STAT5A: variants seen among roughly 807,000 people sequenced by gnomAD.
STAT5A encodes epididymis secretory sperm binding protein.
Under a neutral mutation model 100.2 loss-of-function variants are expected in STAT5A, and 26 were observed. The ratio of observed to expected loss-of-function variants is 0.26; its 90% CI spans 0.19 to 0.36. STAT5A has a LOEUF of 0.36. STAT5A is among the 10% of genes least tolerant of loss of function. The pLI is 1.00. For missense variants in STAT5A, 634 were observed against 1,027.5 expected, an observed-to-expected ratio of 0.62 and a Z score of 5.24; for synonymous variants, 330 against 424.3, an observed-to-expected ratio of 0.78 and a Z score of 2.73.
intron 15 of STAT5A, among the ~76,000 whole-genome samples, chr17:42,307,958 A>T (rs1201552260): frequency 6.6e-6 from 1 of 152,056 alleles, no homozygotes; most frequent in Non-Finnish European, 1.5e-5. Flanking sequence ...CTGCAGTTTC[A>T]CGCTCTCCCC....
Position 42,304,408 on chromosome 17 carries a change from C to G in STAT5A, c.1236C>G (p.Leu412=). The change falls in exon 10 of 19, where the codon CTC becomes CTG. Residue 412 remains leucine (L), a synonymous_variant. Transcript: ENST00000590949. The surrounding 1 kb of genome is among the most constrained non-coding windows in gnomAD (Gnocchi z 4.8). ...VMEYHQATGT[L]SAHFRNMSLK... is the part of the protein sequence containing the mutation. ...AGTACCACCAAGCCACGGGCACCCT[C>G]AGTGCCCACTTCAGGAACATGGTGA... 1 of 1,614,256 alleles carries G rather than the reference C, an allele frequency of 6.2e-7. No individual in the cohort carries two copies. Among genetic ancestry groups the G allele is most frequent in the Non-Finnish European group, 8.5e-7 (1 of 1,180,042 alleles).
chr17:42,305,455 T>C (rs577973125), intron 11 of STAT5A, among the ~76,000 whole-genome samples, 155 bp from the exon 12 acceptor site: 1 of 151,934 alleles, frequency 6.6e-6, no homozygotes, highest in Admixed American at 6.5e-5. Context: ...TGAGCCGAGA[T>C]TGCACCATTG....
intron 1 of STAT5A, 25 bp from the exon 2 acceptor site, chr17:42,289,377 C>G (rs763624557): frequency 6.3e-7 from 1 of 1,582,820 alleles, no homozygotes; most frequent in African/African-American, 1.3e-5. Context: ...CAGAGGAGAG[C>G]GCTTCAGCGC....
chr17:42,297,160 C>T (rs977677008), intron 5 of STAT5A, among the ~76,000 whole-genome samples: 15 of 151,912 alleles, frequency 9.9e-5, no homozygotes, highest in Non-Finnish European at 1.8e-4. Flanking sequence ...CTGGTTGCAA[C>T]CTCTAGCCTC....
rs1286256622 is a variant in STAT5A at position 42,308,858 on chromosome 17, G to C, written c.2063-189G>C. On this transcript the variant is annotated intron_variant, in intron 16 of 18. Transcript: ENST00000590949. This position sits in a 1 kb window ranked among gnomAD's most constrained non-coding sequence, Gnocchi z 4.6. Reference sequence around the variant, plus strand: ...AAGAACCAGAAGGAATGGGATTCAAGCCAGGGGTCTCAGTGACCCTCAGGC... The same window carrying C: ...AAGAACCAGAAGGAATGGGATTCAACCCAGGGGTCTCAGTGACCCTCAGGC... The C allele has an allele frequency of 1.5e-6, 1 of 680,372 alleles. No individual in the cohort carries two copies. Among genetic ancestry groups the C allele is most frequent in the Non-Finnish European group, 2.5e-6 (1 of 393,104 alleles). The allele number at this position is 680,372 out of a possible 1,614,324, so 42.1% of individuals were successfully genotyped here.
At position 42,311,818 on chromosome 17, in the gene STAT5A, T is replaced by A. The variant is rs1042168491; in HGVS notation, c.*1149T>A. The A allele has an allele frequency of 2.0e-5, 3 of 152,734 alleles. No individual in the cohort carries two copies. Among genetic ancestry groups the A allele is most frequent in the Non-Finnish European group, 4.4e-5 (3 of 68,058 alleles). 9.5% of individuals were successfully genotyped at this position (152,734 alleles called of 1,614,324 possible). On this transcript the variant is annotated 3_prime_UTR_variant, in exon 19 of 19. Transcript: ENST00000590949. ...TCAGGGGCAGCTGACCATGGAAGAT[T>A]GAGAGCCCAAGGTTTAAACTTCTCT... is the stretch of plus-strand genomic sequence containing the variant.
intron 3 of STAT5A, among the ~76,000 whole-genome samples, chr17:42,291,532 C>T (rs932610101): frequency 6.6e-6 from 1 of 151,968 alleles, no homozygotes; most frequent in Non-Finnish European, 1.5e-5. Flanking sequence ...GCCTGACCAA[C>T]GTGGAGAAAC....
intron 11 of STAT5A, among the ~76,000 whole-genome samples, chr17:42,305,330 C>T (rs536433107): frequency 6.6e-6 from 1 of 152,006 alleles, no homozygotes; most frequent in South Asian, 2.1e-4. Flanking sequence ...TGGAGAAACC[C>T]CGTCTCTACT....
chr17:42,307,552 G>T, intron 14 of STAT5A, 41 bp from the exon 15 acceptor site: 1 of 1,614,106 alleles, frequency 6.2e-7, no homozygotes, highest in South Asian at 1.1e-5. Context: ...AGAGACTGTG[G>T]CTGTGGCCCA....
upstream of STAT5A, chr17:42,287,895 G>A (rs1253785598): frequency 6.6e-6 from 1 of 152,268 alleles, no homozygotes; most frequent in Non-Finnish European, 1.5e-5. Flanking sequence ...AAGGAGGGAG[G>A]TGCTGCGGTG....
At chr17:42,291,652 G>A (rs1471709795) in intron 3 of STAT5A, among the ~76,000 whole-genome samples, 2 of 151,892 alleles carry the variant, frequency 1.3e-5, no homozygotes, top group African/African-American at 2.4e-5. Context: ...GGAGGTGGAG[G>A]TTGCAGTGAG....
chr17:42,298,189 A>G (rs562303884), intron 5 of STAT5A, among the ~76,000 whole-genome samples: 47 of 149,850 alleles, frequency 3.1e-4, no homozygotes, highest in African/African-American at 1.1e-3. Context: ...TTTGAGATGG[A>G]GTCTTGCTCT....
At chr17:42,309,169 G>C in intron 17 of STAT5A, 71 bp downstream of exon 17, 1 of 1,611,600 alleles carries the variant, frequency 6.2e-7, no homozygotes, top group South Asian at 1.1e-5. Flanking sequence ...CTCCCATCCT[G>C]ATCCTGGGCC....
intron 18 of STAT5A, 154 bp downstream of exon 18, chr17:42,309,638 G>A: frequency 2.8e-6 from 2 of 708,258 alleles, no homozygotes; most frequent in South Asian, 2.0e-5. Context: ...GCATTTTGAA[G>A]CTAGACATAG....
In STAT5A at chr17:42,304,091, C is replaced by A. The variant is rs1289032184; in HGVS notation, c.1170-251C>A. Reference sequence around the variant, plus strand: ...TTGGAAGTCCCCAAAGCCCTCACATCAATCTTGGTATCGAGGAATTTCTAA... The same window carrying A: ...TTGGAAGTCCCCAAAGCCCTCACATAAATCTTGGTATCGAGGAATTTCTAA... On this transcript the variant is annotated intron_variant, in intron 9 of 18. Transcript: ENST00000590949. The surrounding 1 kb of genome is among the most constrained non-coding windows in gnomAD (Gnocchi z 4.8). 10 of 521,540 alleles carry A rather than the reference C, an allele frequency of 1.9e-5. No individual in the cohort carries two copies. The East Asian group carries it at 2.7e-4, about 14-fold the overall frequency. The allele number at this position is 521,540 out of a possible 1,614,324, so 32.3% of individuals were successfully genotyped here.
chr17:42,306,163 T>C, intron 12 of STAT5A, 78 bp from the exon 13 acceptor site: 1 of 1,606,130 alleles, frequency 6.2e-7, no homozygotes, highest in Admixed American at 1.7e-5. Flanking sequence ...TGTCTCTAGG[T>C]GTCTGTGTAT....
chr17:42,300,232 G>T lies in STAT5A; in HGVS notation c.784G>T (p.Ala262Ser), dbSNP rs2080963034. The T allele has an allele frequency of 2.0e-6, 3 of 1,487,172 alleles. No individual in the cohort carries two copies. Among genetic ancestry groups the T allele is most frequent in the African/African-American group, 2.8e-5 (2 of 70,582 alleles). The allele number at this position is 1,487,172 out of a possible 1,614,324, so 92.1% of individuals were successfully genotyped here. The change falls in exon 7 of 19, where the codon GCC becomes TCC. Residue 262 changes from alanine (A) to serine (S), a missense_variant. By Grantham distance (99) the Ala-to-Ser change is moderately conservative. Coordinates refer to ENST00000590949, the MANE Select transcript of STAT5A (RefSeq NM_001288718.2). ...CCAGTGGAAGCGGCGGCAGCAGCTG[G>T]CCGGGAACGGCGGGCCCCCCGAGGG... ...LIQWKRRQQLAGNGGPPEGSL... is the reference protein window; with the variant it reads ...LIQWKRRQQLSGNGGPPEGSL...
chr17:42,287,888 G>C (rs2080828353), upstream of STAT5A: 1 of 152,308 alleles, frequency 6.6e-6, no homozygotes, highest in South Asian at 2.1e-4. Context: ...GTAAAAGAAG[G>C]AGGGAGGTGC....
At position 42,305,707 on chromosome 17, in the gene STAT5A, G is replaced by T; in HGVS notation, c.1473+5G>T. The T allele has an allele frequency of 6.2e-7, 1 of 1,613,836 alleles. No homozygotes were observed. The highest frequency in any genetic ancestry group is 8.5e-7 in the Non-Finnish European group (1 of 1,179,928). On this transcript the variant is annotated splice_donor_5th_base_variant and intron_variant, in intron 12 of 18. Transcript: ENST00000590949. ...GACAATGCCTTTGCTGAGCCGGTGA[G>T]TCCCCGTGGGAGCCCTACCCCAGCA...
Sources: gnomAD v4.1 joint callset for allele counts (sites outside exome capture counted in the v4.1 genomes callset) on GRCh38, gnomAD v4.1.1 for gene constraint, Gnocchi (gnomAD v3.1) non-coding constraint, MANE v1.5 for transcripts, NCBI Gene and HGNC (gene_info 2026-07-23, HGNC 2026-07-21) for gene names.